NCKAP5: variants seen among roughly 807,000 people sequenced by gnomAD.
NCKAP5 encodes NCK associated protein 5.
A neutral mutation model predicts 167.0 loss-of-function variants in NCKAP5; 92 were observed. That is an observed-to-expected ratio of 0.55 (90% CI 0.47 to 0.66). The LOEUF is 0.66. NCKAP5 is among the 30% of genes least tolerant of loss of function. NCKAP5 has a pLI of 0.00. For missense variants in NCKAP5, 2,378 were observed against 2,315.0 expected, an observed-to-expected ratio of 1.03 and a Z score of -0.56; for synonymous variants, 891 against 877.4, an observed-to-expected ratio of 1.02 and a Z score of -0.27.
intron 8 of NCKAP5, among the ~76,000 whole-genome samples, chr2:132,888,636 C>A (rs912962830): frequency 6.6e-6 from 1 of 152,166 alleles, no homozygotes; most frequent in African/African-American, 2.4e-5. Context: ...AGTGATCCAC[C>A]CACCTCAGCC....
In NCKAP5 at chr2:133,274,022, T is replaced by A. The variant is rs76114131; in HGVS notation, c.143+29015A>T. Among the ~76,000 whole-genome samples, 5 of 151,542 alleles carry A rather than the reference T, an allele frequency of 3.3e-5. No homozygotes were observed. In the East Asian group the frequency reaches 9.7e-4, roughly 29 times the overall value. On this transcript the variant is annotated intron_variant, in intron 4 of 19. Transcript: ENST00000409261. ...ACACGCCTTATATTAAATAGTTAAG[T>A]TAAAGAACATTTCCTTTAAATTTTT... is the stretch of plus-strand genomic sequence containing the variant.
chr2:132,724,623 T>A (rs1690264119), intron 19 of NCKAP5, among the ~76,000 whole-genome samples: 1 of 152,118 alleles, frequency 6.6e-6, no homozygotes, highest in Non-Finnish European at 1.5e-5. Context: ...GGGACACCAA[T>A]GAACCACAAA....
At chr2:133,224,639 CA>C (rs1285966000) in intron 4 of NCKAP5, among the ~76,000 whole-genome samples, 2 of 152,148 alleles carry the variant, frequency 1.3e-5, no homozygotes, top group Non-Finnish European at 2.9e-5. Context: ...CTTTCATCCT[CA>C]AATTTTTGAT....
chr2:132,845,908 G>A (rs12467823), intron 11 of NCKAP5, among the ~76,000 whole-genome samples: 4 of 151,938 alleles, frequency 2.6e-5, no homozygotes, highest in African/African-American at 4.8e-5. Context: ...TTCTCATCTC[G>A]TGGAGATATA....
intron 3 of NCKAP5, among the ~76,000 whole-genome samples, chr2:133,495,799 A>G (rs1214728944): frequency 6.6e-6 from 1 of 152,336 alleles, no homozygotes; most frequent in East Asian, 1.9e-4. Flanking sequence ...TGAAAATTAC[A>G]TTTTAAATAT....
chr2:132,899,700 C>T (rs1163164107), intron 8 of NCKAP5, among the ~76,000 whole-genome samples: 2 of 152,150 alleles, frequency 1.3e-5, no homozygotes, highest in African/African-American at 2.4e-5. Flanking sequence ...CATGGTAAAA[C>T]ACCATCTCTA....
intron 7 of NCKAP5, among the ~76,000 whole-genome samples, chr2:132,980,881 A>G (rs1318370382): frequency 1.3e-5 from 2 of 152,210 alleles, no homozygotes; most frequent in African/African-American, 4.8e-5. Context: ...TTTATATCTT[A>G]AGGGTATGTT....
At chr2:133,173,195 G>T (rs1018288994) in intron 5 of NCKAP5, among the ~76,000 whole-genome samples, 12 of 152,140 alleles carry the variant, frequency 7.9e-5, no homozygotes, top group African/African-American at 2.7e-4. Context: ...GATGGCAGGA[G>T]GTTGGGGTGG....
chr2:132,842,170 T>G (rs1688339844), intron 11 of NCKAP5, among the ~76,000 whole-genome samples: 1 of 152,138 alleles, frequency 6.6e-6, no homozygotes, highest in Non-Finnish European at 1.5e-5. Context: ...ATACACTTCA[T>G]TTTACAGTTT....
the NCKAP5 span, among the ~76,000 whole-genome samples, chr2:133,654,333 G>A: frequency 3.9e-5 from 6 of 152,002 alleles, no homozygotes; most frequent in East Asian, 1.9e-4. Flanking sequence ...AGCCAAGATC[G>A]CACCACTGCA....
In NCKAP5 at chr2:132,714,737, C is replaced by T. The variant is rs1573966638; in HGVS notation, c.5713+10890G>A. On this transcript the variant is annotated intron_variant, in intron 19 of 19. Transcript: ENST00000409261. Reference sequence around the variant, plus strand: ...CTGAGGCAGGAGAATCGCTTGAACCCGGGAGGCAGAGGTTGCAGTGAGCCG... The same window carrying T: ...CTGAGGCAGGAGAATCGCTTGAACCTGGGAGGCAGAGGTTGCAGTGAGCCG... 7.7e-5 allele frequency: 29 copies of T among 379,034 alleles called. 2 individuals are homozygous for T. Among genetic ancestry groups the T allele is most frequent in the South Asian group, 5.4e-4 (27 of 50,122 alleles). The allele number at this position is 379,034 out of a possible 1,614,324, so 23.5% of individuals were successfully genotyped here.
chr2:133,388,798 A>C (rs1687185455), intron 3 of NCKAP5, among the ~76,000 whole-genome samples: 1 of 152,218 alleles, frequency 6.6e-6, no homozygotes, highest in Admixed American at 6.5e-5. Context: ...CTGTGCTAGC[A>C]ATGAGCAAGG....
intron 11 of NCKAP5, among the ~76,000 whole-genome samples, chr2:132,808,386 C>CAA (rs770143698): frequency 0.092 from 13,980 of 151,986 alleles, 854 homozygotes; most frequent in East Asian, 0.2. Context: ...TCCATCTGGT[C>CAA]CTGAACTTTT....
At chr2:133,548,395 T>A (rs1686947124) in intron 2 of NCKAP5, among the ~76,000 whole-genome samples, 2 of 151,546 alleles carry the variant, frequency 1.3e-5, no homozygotes, top group Admixed American at 6.6e-5. Context: ...AAGATACTCC[T>A]CGAGAAGAGC....
chr2:132,767,856 G>C (rs1300110741), intron 16 of NCKAP5, among the ~76,000 whole-genome samples: 1 of 152,242 alleles, frequency 6.6e-6, no homozygotes, highest in Non-Finnish European at 1.5e-5. Flanking sequence ...ATAGATTGGG[G>C]TGGCAGGATG....
intron 6 of NCKAP5, among the ~76,000 whole-genome samples, chr2:133,000,722 AATTTT>A (rs766162229): frequency 2.6e-5 from 4 of 152,146 alleles, no homozygotes; most frequent in Non-Finnish European, 5.9e-5. Context: ...TAAATTTTTT[AATTTT>A]AAAAATTCAA....
intron 3 of NCKAP5, among the ~76,000 whole-genome samples, chr2:133,490,813 C>T (rs1681373087): frequency 6.6e-6 from 1 of 152,168 alleles, no homozygotes; most frequent in Admixed American, 6.5e-5. Flanking sequence ...CAAGTTTTTC[C>T]AAGGAAGTGT....
intron 11 of NCKAP5, among the ~76,000 whole-genome samples, chr2:132,811,589 CT>C (rs1477005116): frequency 6.6e-6 from 1 of 152,124 alleles, no homozygotes; most frequent in Admixed American, 6.5e-5. Context: ...GCCGGTCTCA[CT>C]ACTACCATGC....
chr2:133,559,378 G>C (rs1216933645), intron 1 of NCKAP5, among the ~76,000 whole-genome samples: 1 of 152,202 alleles, frequency 6.6e-6, no homozygotes, highest in African/African-American at 2.4e-5. Flanking sequence ...GAGTGCAGTG[G>C]TGCAATCAGG....
Sources: allele counts gnomAD v4.1 joint callset (sites outside exome capture counted in the v4.1 genomes callset), GRCh38; gene constraint gnomAD v4.1.1; transcripts MANE v1.5; gene names NCBI Gene and HGNC (gene_info 2026-07-23, HGNC 2026-07-21).